Variants in ADAM18 observed in about 807,000 individuals in gnomAD.
The protein encoded by ADAM18 is disintegrin and metalloproteinase domain-containing protein 18.
A neutral mutation model predicts 94.4 loss-of-function variants in ADAM18; 117 were observed. That is an observed-to-expected ratio of 1.24 (90% CI 1.07 to 1.45). The LOEUF (loss-of-function observed/expected upper bound fraction) is 1.45, where lower values mean the gene tolerates loss of function less well. Ranked by LOEUF, ADAM18 falls within the 40% of genes most tolerant of loss-of-function variation. The pLI is 0.00. For synonymous variants in ADAM18, 327 were observed against 291.6 expected (o/e 1.12, Z -1.24); for missense variants, 936 against 880.0 (o/e 1.06, Z -0.81).
At chr8:39,681,885 T>A (rs1320547327) in intron 16 of ADAM18, among the ~76,000 whole-genome samples, 3 of 152,172 alleles carry the variant, frequency 2.0e-5, no homozygotes, top group Non-Finnish European at 4.4e-5. Context: ...TCTGACCCCT[T>A]CTAGCAGCTT....
At position 39,657,916 on chromosome 8, in the gene ADAM18, C is replaced by T. The variant is rs189142830; in HGVS notation, c.1231-5879C>T. Among the ~76,000 whole-genome samples the T allele has an allele frequency of 1.4e-4, 21 of 152,234 alleles. 1 individual carries two copies. In the South Asian group the frequency reaches 3.9e-3, roughly 29 times the overall value. ...TAATGATGTCATAGTAAGAACATAA[C>T]ATGTCAGGAATAGACATAACTGTTA... On this transcript the variant is annotated intron_variant, in intron 12 of 19. Transcript: ENST00000265707.
In ADAM18 at chr8:39,596,786, C is replaced by A. The variant is rs760318827; in HGVS notation, c.133-9521C>A. Among the ~76,000 whole-genome samples, 37 of 152,188 alleles carry A rather than the reference C, an allele frequency of 2.4e-4. 2 individuals are homozygous for A. The highest frequency in any genetic ancestry group is 1.0e-3 in the Admixed American group (16 of 15,276). On this transcript the variant is annotated intron_variant, in intron 2 of 19. Coordinates refer to ENST00000265707, the MANE Select transcript of ADAM18 (RefSeq NM_014237.3). ...AAAGCTGATCTATTATTTTGCATTT[C>A]TACAAACGAAGAATAAGAGTTCCTG...
intron 17 of ADAM18, among the ~76,000 whole-genome samples, chr8:39,705,740 T>C (rs1040701328): frequency 5.3e-5 from 8 of 152,180 alleles, no homozygotes; most frequent in Admixed American, 1.3e-4. Flanking sequence ...TTCAATATAC[T>C]ATATAAACAA....
At chr8:39,725,321 A>G (rs1822871970) in intron 19 of ADAM18, among the ~76,000 whole-genome samples, 3 of 152,130 alleles carry the variant, frequency 2.0e-5, no homozygotes, top group Admixed American at 6.6e-5. Context: ...CAAATTTTAT[A>G]TTATTGTTGT....
intron 18 of ADAM18, among the ~76,000 whole-genome samples, chr8:39,721,099 G>C (rs1822731862): frequency 6.6e-6 from 1 of 151,304 alleles, no homozygotes; most frequent in African/African-American, 2.4e-5. Context: ...CAGTAATAAT[G>C]AACAAAGTCA....
intron 16 of ADAM18, among the ~76,000 whole-genome samples, chr8:39,688,141 A>G (rs35893648): frequency 0.7 from 106,380 of 152,064 alleles, 37,985 homozygotes; most frequent in Middle Eastern, 0.79. Context: ...CTATTTTTGG[A>G]CTTTAACTGA....
intron 6 of ADAM18, among the ~76,000 whole-genome samples, chr8:39,619,918 C>A (rs1246272306): frequency 3.3e-5 from 5 of 151,858 alleles, no homozygotes; most frequent in Non-Finnish European, 7.4e-5. Flanking sequence ...CAAGAGAACA[C>A]CCCAAATATC....
chr8:39,587,362 T>C (rs1428489918), intron 2 of ADAM18, among the ~76,000 whole-genome samples: 4 of 152,242 alleles, frequency 2.6e-5, no homozygotes, highest in African/African-American at 9.6e-5. Flanking sequence ...TTTGTATTCA[T>C]TGAGCAATAA....
At chr8:39,726,302 A>G (rs566885518) in intron 19 of ADAM18, among the ~76,000 whole-genome samples, 1 of 151,302 alleles carries the variant, frequency 6.6e-6, no homozygotes, top group East Asian at 2.0e-4. Context: ...GTGTATATAT[A>G]TAATTTGTAG....
chr8:39,728,175 C>G (rs1822974577), intron 19 of ADAM18, among the ~76,000 whole-genome samples: 1 of 152,128 alleles, frequency 6.6e-6, no homozygotes, highest in Non-Finnish European at 1.5e-5. Context: ...CCCCATGATA[C>G]AAACACCTCC....
chr8:39,649,705 T>C (rs561518158), intron 12 of ADAM18, among the ~76,000 whole-genome samples: 2 of 152,232 alleles, frequency 1.3e-5, no homozygotes, highest in Admixed American at 1.3e-4. Flanking sequence ...TCTGCTGGAG[T>C]GTGCTTCCTG....
chr8:39,672,790 A>AT (rs1337011413), intron 14 of ADAM18, among the ~76,000 whole-genome samples: 1 of 152,198 alleles, frequency 6.6e-6, no homozygotes, highest in Non-Finnish European at 1.5e-5. Flanking sequence ...ATATCCAAAC[A>AT]TTTTAAAAAC....
At chr8:39,723,672 T>C (rs1301131905) in intron 18 of ADAM18, 76 bp from the exon 19 acceptor site, 5 of 1,100,548 alleles carry the variant, frequency 4.5e-6, no homozygotes, top group Non-Finnish European at 4.9e-6. Flanking sequence ...TACACGTATA[T>C]GATTAAGTGA....
chr8:39,704,248 C>T (rs1201159365), intron 17 of ADAM18, among the ~76,000 whole-genome samples: 1 of 152,070 alleles, frequency 6.6e-6, no homozygotes, highest in Non-Finnish European at 1.5e-5. Context: ...GGCAGACACA[C>T]AACAAAAAAT....
chr8:39,654,728 A>G (rs546717853), intron 12 of ADAM18, among the ~76,000 whole-genome samples: 4 of 152,270 alleles, frequency 2.6e-5, no homozygotes, highest in African/African-American at 9.6e-5. Flanking sequence ...CATTTTGATA[A>G]TAGCCATTCT....
At chr8:39,721,247 C>T (rs1822736686) in intron 18 of ADAM18, among the ~76,000 whole-genome samples, 1 of 151,356 alleles carries the variant, frequency 6.6e-6, no homozygotes, top group Non-Finnish European at 1.5e-5. Flanking sequence ...CTATGTATTT[C>T]AACATATACA....
chr8:39,641,835 C>T (rs537974240), intron 10 of ADAM18, among the ~76,000 whole-genome samples: 15 of 152,196 alleles, frequency 9.9e-5, no homozygotes, highest in East Asian at 7.7e-4. Context: ...GGAAACACCA[C>T]GCTGTTTTCC....
intron 12 of ADAM18, among the ~76,000 whole-genome samples, chr8:39,661,319 A>ATTTTTTT (rs71518171): frequency 8.0e-5 from 9 of 112,822 alleles, no homozygotes; most frequent in African/African-American, 3.7e-4. Flanking sequence ...CACCCGGCAA[A>ATTTTTTT]TTTTTTTTTT....
At chr8:39,587,411 A>T (rs1360910993) in intron 2 of ADAM18, among the ~76,000 whole-genome samples, 1 of 151,976 alleles carries the variant, frequency 6.6e-6, no homozygotes, top group Non-Finnish European at 1.5e-5. Context: ...GGCAACCACT[A>T]TTCTATTCTC....
Sources: gnomAD v4.1 joint callset for allele counts (sites outside exome capture counted in the v4.1 genomes callset) on GRCh38, gnomAD v4.1.1 for gene constraint, MANE v1.5 for transcripts, NCBI Gene and HGNC (gene_info 2026-07-23, HGNC 2026-07-21) for gene names.